SLC15A4: variants seen among roughly 807,000 people sequenced by gnomAD.
SLC15A4 encodes the protein solute carrier family 15 member 4, also known as hPHT1.
SLC15A4 carries 26 observed loss-of-function variants against 46.1 expected under a neutral mutation model. The observed-to-expected ratio is 0.56, with a 90% CI of 0.41 to 0.78. The LOEUF (loss-of-function observed/expected upper bound fraction) is 0.78, where lower values mean the gene tolerates loss of function less well. Ranked by LOEUF, SLC15A4 falls within the 30% of genes least tolerant of loss-of-function variation. The pLI is 0.00. For synonymous variants in SLC15A4, 370 were observed against 333.4 expected, an observed-to-expected ratio of 1.11 and a Z score of -1.20; for missense variants, 751 against 755.7, an observed-to-expected ratio of 0.99 and a Z score of 0.07.
intron 1 of SLC15A4, among the ~76,000 whole-genome samples, chr12:128,816,198 A>G (rs2135720797): frequency 6.6e-6 from 1 of 152,332 alleles, no homozygotes; most frequent in East Asian, 1.9e-4. Context: ...ATGGAGCCCA[A>G]GCGGTGGGAA....
In SLC15A4 at chr12:128,808,849, T is replaced by C. The variant is rs1955619119; in HGVS notation, c.1197A>G (p.Pro399=). The change falls in exon 5 of 8, where the codon CCA becomes CCG. Residue 399 remains proline, a synonymous_variant. Transcript: ENST00000266771. ...CCACGGCGATCCTCTTCAGGGAGGA[T>C]GGGAGCAGGCCATGTCTTCTCAAAA... ...DPILRRHGLL[P]SSLKRIAVGM... is the part of the protein sequence containing the mutation. 1 of 1,614,194 alleles carries C rather than the reference T, an allele frequency of 6.2e-7. No homozygotes were observed. The highest frequency in any genetic ancestry group is 8.5e-7 in the Non-Finnish European group (1 of 1,180,040).
chr12:128,807,051 C>T (rs1955598483), intron 5 of SLC15A4, among the ~76,000 whole-genome samples: 2 of 151,936 alleles, frequency 1.3e-5, no homozygotes, highest in South Asian at 2.1e-4. Flanking sequence ...TACAGGCGCC[C>T]GCCACCATGG....
chr12:128,804,119 G>T (rs778379802), intron 5 of SLC15A4, among the ~76,000 whole-genome samples: 1 of 152,154 alleles, frequency 6.6e-6, no homozygotes, highest in Non-Finnish European at 1.5e-5. Context: ...AACATTTTGA[G>T]AGAGTGATAT....
At chr12:128,815,106 A>G (rs1955733337) in intron 1 of SLC15A4, 36 bp from the exon 2 acceptor site, 16 of 1,580,430 alleles carry the variant, frequency 1.0e-5, no homozygotes, top group Non-Finnish European at 1.4e-5. Flanking sequence ...TTGAAAATAT[A>G]TGACAGTCTT....
intron 1 of SLC15A4, chr12:128,815,308 T>C (rs948178263): frequency 8.7e-5 from 14 of 161,350 alleles, no homozygotes; most frequent in African/African-American, 7.1e-4. Context: ...CAACAAATGC[T>C]AGAGAGTTTT....
chr12:128,802,374 G>C (rs1021286258), intron 5 of SLC15A4, among the ~76,000 whole-genome samples: 10 of 152,158 alleles, frequency 6.6e-5, no homozygotes, highest in African/African-American at 2.4e-4. Context: ...TGTGACAATG[G>C]CTTCCCCTAG....
intron 5 of SLC15A4, among the ~76,000 whole-genome samples, chr12:128,806,755 G>C (rs1173309311): frequency 2.0e-5 from 3 of 152,116 alleles, no homozygotes; most frequent in African/African-American, 7.2e-5. Flanking sequence ...CCAATTCAGA[G>C]GCTCTGGAGC....
chr12:128,819,787 A>C (rs910917876), intron 1 of SLC15A4: 5 of 152,258 alleles, frequency 3.3e-5, no homozygotes, highest in Non-Finnish European at 5.9e-5. Context: ...TTATGGATGA[A>C]AGAGCGCATA....
intron 5 of SLC15A4, among the ~76,000 whole-genome samples, chr12:128,807,059 T>C (rs1272660881): frequency 6.6e-6 from 1 of 152,062 alleles, no homozygotes; most frequent in African/African-American, 2.4e-5. Flanking sequence ...CCCGCCACCA[T>C]GGCCAGCTAA....
chr12:128,822,347 T>C (rs1955856301), intron 1 of SLC15A4, among the ~76,000 whole-genome samples: 1 of 152,142 alleles, frequency 6.6e-6, no homozygotes, highest in Non-Finnish European at 1.5e-5. Context: ...GAAGACGCAA[T>C]ATGAGTGTTT....
chr12:128,823,318 A>G, intron 1 of SLC15A4, 80 bp downstream of exon 1: 1 of 1,267,766 alleles, frequency 7.9e-7, no homozygotes, highest in Non-Finnish European at 1.0e-6. Flanking sequence ...GGTCAGAGGC[A>G]GGGACTGGGG....
Position 128,814,773 on chromosome 12 carries a change from AC to A in SLC15A4, c.842+1del. On this transcript the variant is annotated splice_donor_variant, in intron 2 of 7. Transcript: ENST00000266771. LOFTEE classifies it high-confidence loss of function. ...AGCCCAAGATGAGAACTAAGTGCTT[AC>A]CCATTACTCTGGCGCTCTCCACTTC... 1 of 1,613,134 alleles carries A rather than the reference AC, an allele frequency of 6.2e-7. No individual in the cohort carries two copies.
chr12:128,813,969 A>T (rs1169480485), intron 2 of SLC15A4: 1 of 154,878 alleles, frequency 6.5e-6, no homozygotes, highest in Non-Finnish European at 1.5e-5. Context: ...CTTGGGCTTA[A>T]GTTCTGGACT....
chr12:128,799,073 C>A lies in SLC15A4; in HGVS notation c.1573+186G>T, dbSNP rs541089091. Among the ~76,000 whole-genome samples the A allele has an allele frequency of 2.2e-3, 338 of 152,228 alleles. 1 individual carries two copies. Among genetic ancestry groups the A allele is most frequent in the Admixed American group, 4.5e-3 (69 of 15,300 alleles). On this transcript the variant is annotated intron_variant, in intron 7 of 7. Coordinates refer to ENST00000266771, the MANE Select transcript of SLC15A4 (RefSeq NM_145648.4). ...AGAGGCCTGCTTGTCTCCTGAAAAC[C>A]GTTCATGATGTAAGGAAACACAGTG...
At position 128,809,378 on chromosome 12, in the gene SLC15A4, C is replaced by A. The variant is rs1446287317; in HGVS notation, c.1089+18G>T. ...AAGTCCAAAATAACAATGTTCAGAT[C>A]ATTACAATTGTTCTTACCGTGTGAG... is the stretch of plus-strand genomic sequence containing the variant. On this transcript the variant is annotated intron_variant, in intron 4 of 7. Transcript: ENST00000266771. The A allele has an allele frequency of 1.3e-6, 2 of 1,509,104 alleles. No individual in the cohort carries two copies. The highest frequency in any genetic ancestry group is 1.8e-6 in the Non-Finnish European group (2 of 1,096,038). 93.5% of individuals were successfully genotyped at this position (1,509,104 alleles called of 1,614,324 possible).
In SLC15A4 at chr12:128,823,812, C is replaced by T. The variant is rs749846478; in HGVS notation, c.132G>A (p.Glu44=). The change falls in exon 1 of 8, where the codon GAG becomes GAA. Residue 44 remains glutamate (E), a synonymous_variant. Transcript: ENST00000266771. ...RAACGAVLLT[E]LLERAAFYGI... The stretch of plus-strand genomic sequence containing the variant: ...CGTAGAAAGCGGCGCGCTCCAGCAG[C>T]TCCGTCAGCAGCACGGCCCCGCACG... The T allele has an allele frequency of 2.2e-5, 33 of 1,483,052 alleles. No homozygotes were observed. The highest frequency in any genetic ancestry group is 2.8e-5 in the Non-Finnish European group (31 of 1,120,894). 91.9% of individuals were successfully genotyped at this position (1,483,052 alleles called of 1,614,324 possible).
At chr12:128,797,148 C>G (rs1955455259) in intron 7 of SLC15A4, among the ~76,000 whole-genome samples, 1 of 152,070 alleles carries the variant, frequency 6.6e-6, no homozygotes, top group South Asian at 2.1e-4. Context: ...GCGCACCCGC[C>G]CCCCAGGCTC....
intron 1 of SLC15A4, among the ~76,000 whole-genome samples, chr12:128,822,765 A>G (rs1329497396): frequency 6.6e-6 from 1 of 152,000 alleles, no homozygotes; most frequent in Non-Finnish European, 1.5e-5. Context: ...CGAACTCCTG[A>G]CCTTAGGTGA....
chr12:128,817,540 G>A (rs372879182), intron 1 of SLC15A4, among the ~76,000 whole-genome samples: 10 of 151,584 alleles, frequency 6.6e-5, no homozygotes, highest in Middle Eastern at 3.4e-3. Flanking sequence ...ACCTTCCCAC[G>A]GTCTCACTCG....
Sources: gnomAD v4.1 joint callset for allele counts (sites outside exome capture counted in the v4.1 genomes callset) on GRCh38, gnomAD v4.1.1 for gene constraint, MANE v1.5 for transcripts, NCBI Gene and HGNC (gene_info 2026-07-23, HGNC 2026-07-21) for gene names.